The following ALK variants were observed in gnomAD, a reference collection of about 807,000 sequenced individuals.
The protein encoded by ALK is ALK tyrosine kinase receptor.
ALK carries 74 observed loss-of-function variants against 163.1 expected under a neutral mutation model. The observed-to-expected ratio is 0.45, with a 90% confidence interval of 0.38 to 0.55. The LOEUF (loss-of-function observed/expected upper bound fraction) is 0.55. ALK is among the 20% of genes least tolerant of loss of function. The pLI is 0.00. For synonymous variants in ALK, 960 were observed against 843.2 expected (o/e 1.14, Z -2.40); for missense variants, 2,063 against 2,105.3 (o/e 0.98, Z 0.39).
chr2:29,289,622 A>G (rs1399972658), intron 9 of ALK, among the ~76,000 whole-genome samples: 3 of 152,148 alleles, frequency 2.0e-5, no homozygotes, highest in African/African-American at 4.8e-5. Flanking sequence ...ATATATATAT[A>G]TGGCATCAGG....
At chr2:29,709,884 T>C (rs1384003022) in intron 2 of ALK, among the ~76,000 whole-genome samples, 1 of 152,178 alleles carries the variant, frequency 6.6e-6, no homozygotes, top group Non-Finnish European at 1.5e-5. Flanking sequence ...GATTGGAATG[T>C]TGGGGGTATC....
chr2:29,398,960 T>C lies in ALK; in HGVS notation c.1155-15101A>G, dbSNP rs191401981. On this transcript the variant is annotated intron_variant, in intron 4 of 28. Transcript: ENST00000389048. Reference sequence around the variant, plus strand: ...TCATGGCTACAGGGTGAGGCTTGTGTGGCAGGAGCTGCTGCAGGGGTATCT... The same window carrying C: ...TCATGGCTACAGGGTGAGGCTTGTGCGGCAGGAGCTGCTGCAGGGGTATCT... Among the ~76,000 whole-genome samples the C allele has an allele frequency of 7.7e-4, 118 of 152,262 alleles. 3 individuals carry two copies. The East Asian group carries it at 0.022, about 28-fold the overall frequency.
intron 4 of ALK, among the ~76,000 whole-genome samples, chr2:29,455,371 G>T (rs965287194): frequency 3.9e-5 from 6 of 152,174 alleles, no homozygotes; most frequent in African/African-American, 1.4e-4. Flanking sequence ...CCTACCCTGG[G>T]AGAGCAGCAA....
At chr2:29,220,072 C>G (rs1669760029) in intron 23 of ALK, among the ~76,000 whole-genome samples, 1 of 152,068 alleles carries the variant, frequency 6.6e-6, no homozygotes, top group African/African-American at 2.4e-5. Flanking sequence ...AGTCAGCAGG[C>G]CATGAGAATG....
chr2:29,630,134 G>C (rs1462741796), intron 3 of ALK, among the ~76,000 whole-genome samples: 1 of 152,166 alleles, frequency 6.6e-6, no homozygotes, highest in East Asian at 1.9e-4. Context: ...TAAAGCATTG[G>C]AATAAGCACG....
intron 5 of ALK, among the ~76,000 whole-genome samples, chr2:29,356,686 C>A (rs986764272): frequency 6.6e-6 from 1 of 152,116 alleles, no homozygotes; most frequent in Non-Finnish European, 1.5e-5. Context: ...GGAGACTGAG[C>A]AGACCCACTG....
At chr2:29,215,578 T>C (rs1290927321) in intron 23 of ALK, among the ~76,000 whole-genome samples, 4 of 152,162 alleles carry the variant, frequency 2.6e-5, no homozygotes, top group Admixed American at 1.3e-4. Context: ...ACACAGCTAA[T>C]AAGCGTGGAG....
chr2:29,524,300 T>C (rs1477564720), intron 4 of ALK, among the ~76,000 whole-genome samples: 9 of 152,236 alleles, frequency 5.9e-5, no homozygotes, highest in Admixed American at 5.9e-4. Context: ...GGGCCAGAAT[T>C]AGATGACCAA....
intron 6 of ALK, among the ~76,000 whole-genome samples, chr2:29,321,422 A>G (rs1192849357): frequency 6.6e-6 from 1 of 152,190 alleles, no homozygotes; most frequent in Non-Finnish European, 1.5e-5. Context: ...GTCTGCAGAG[A>G]CACATATTGC....
intron 1 of ALK, among the ~76,000 whole-genome samples, chr2:29,862,600 C>T (rs1666323449): frequency 1.3e-5 from 2 of 151,878 alleles, no homozygotes; most frequent in Admixed American, 6.6e-5. Flanking sequence ...AATTATAAAA[C>T]ATTGATGAAA....
intron 3 of ALK, among the ~76,000 whole-genome samples, chr2:29,612,227 T>C (rs1168308664): frequency 6.6e-6 from 1 of 152,220 alleles, no homozygotes; most frequent in Non-Finnish European, 1.5e-5. Context: ...AGTGTGCTAA[T>C]AGCATCTCTG....
chr2:29,573,118 C>A (rs566684887), intron 3 of ALK, among the ~76,000 whole-genome samples: 20 of 152,364 alleles, frequency 1.3e-4, no homozygotes, highest in African/African-American at 4.8e-4. Flanking sequence ...ACAGCTCCCT[C>A]CTTTCTCTCC....
chr2:29,893,525 C>T (rs1342557089), intron 1 of ALK, among the ~76,000 whole-genome samples: 2 of 152,102 alleles, frequency 1.3e-5, no homozygotes, highest in African/African-American at 4.8e-5. Context: ...TAACAACCTC[C>T]CGAATTTGAT....
intron 3 of ALK, among the ~76,000 whole-genome samples, chr2:29,649,959 A>G (rs1676994189): frequency 6.6e-6 from 1 of 152,138 alleles, no homozygotes. Context: ...ATAGACCACA[A>G]AATCTATGCA....
chr2:29,907,741 C>G (rs1423214737), intron 1 of ALK, among the ~76,000 whole-genome samples: 1 of 152,120 alleles, frequency 6.6e-6, no homozygotes, highest in Non-Finnish European at 1.5e-5. Flanking sequence ...AAATAGCTCC[C>G]ACATCGATAT....
intron 5 of ALK, among the ~76,000 whole-genome samples, chr2:29,376,748 G>T (rs1188524067): frequency 6.6e-6 from 1 of 152,222 alleles, no homozygotes; most frequent in Non-Finnish European, 1.5e-5. Flanking sequence ...AGGAGCCCAT[G>T]AAGTAATCCC....
intron 2 of ALK, among the ~76,000 whole-genome samples, chr2:29,699,662 T>C (rs1678674605): frequency 6.6e-6 from 1 of 152,244 alleles, no homozygotes; most frequent in Admixed American, 6.5e-5. Context: ...TTTTGCAGAA[T>C]GACTATGACC....
intron 3 of ALK, among the ~76,000 whole-genome samples, chr2:29,574,805 G>A (rs576196426): frequency 6.2e-4 from 94 of 152,298 alleles, no homozygotes; most frequent in African/African-American, 1.9e-3. Flanking sequence ...TTCTAAGCCC[G>A]CATTTTCTGC....
intron 1 of ALK, among the ~76,000 whole-genome samples, chr2:29,759,858 GCTC>G (rs1368248819): frequency 2.0e-5 from 3 of 152,168 alleles, no homozygotes; most frequent in East Asian, 1.9e-4. Context: ...GATGTCCACT[GCTC>G]CTAAGGGTAC....
Sources: gnomAD v4.1 joint callset for allele counts (sites outside exome capture counted in the v4.1 genomes callset) on GRCh38, gnomAD v4.1.1 for gene constraint, MANE v1.5 for transcripts, NCBI Gene and HGNC (gene_info 2026-07-23, HGNC 2026-07-21) for gene names.